Variants in GFRA1 observed in about 807,000 individuals in gnomAD.
GFRA1 encodes the protein GDNF family receptor alpha-1.
GFRA1 carries 16 observed loss-of-function variants against 51.6 expected under a neutral mutation model. The ratio of observed to expected loss-of-function variants is 0.31; its 90% CI spans 0.21 to 0.47. GFRA1 has a LOEUF of 0.47. GFRA1 is among the 20% of genes least tolerant of loss of function. The pLI, the probability that GFRA1 is intolerant of heterozygous loss-of-function variation, is 1.00. For synonymous variants in GFRA1, 270 were observed against 241.3 expected (o/e 1.12, Z -1.10); for missense variants, 530 against 594.3 (o/e 0.89, Z 1.13).
intron 5 of GFRA1, among the ~76,000 whole-genome samples, chr10:116,160,031 T>C (rs1412288646): frequency 6.6e-6 from 1 of 152,242 alleles, no homozygotes; most frequent in Non-Finnish European, 1.5e-5. Context: ...CAGGGACATT[T>C]TTCCTGGCCA....
At chr10:116,080,483 G>A (rs1156451622) in intron 9 of GFRA1, among the ~76,000 whole-genome samples, 1 of 152,122 alleles carries the variant, frequency 6.6e-6, no homozygotes, top group Non-Finnish European at 1.5e-5. Flanking sequence ...CTGTTCCCCA[G>A]TAACCTATGG....
At chr10:116,148,082 G>A (rs77386913) in intron 5 of GFRA1, among the ~76,000 whole-genome samples, 3 of 129,376 alleles carry the variant, frequency 2.3e-5, no homozygotes, top group Admixed American at 7.6e-5. Flanking sequence ...GTGCATGTGT[G>A]TGTGTGCATG....
At chr10:116,176,570 C>G (rs1328868426) in intron 5 of GFRA1, among the ~76,000 whole-genome samples, 1 of 152,122 alleles carries the variant, frequency 6.6e-6, no homozygotes, top group Non-Finnish European at 1.5e-5. Context: ...CCTGAGGCCT[C>G]ACAGAAGCCG....
chr10:116,230,391 T>C (rs575147724), intron 4 of GFRA1, among the ~76,000 whole-genome samples: 16 of 152,330 alleles, frequency 1.1e-4, no homozygotes, highest in African/African-American at 3.6e-4. Context: ...AGGAGCTGGA[T>C]TCCAAATTAG....
At chr10:116,231,099 G>A (rs1327461079) in intron 4 of GFRA1, among the ~76,000 whole-genome samples, 1 of 152,152 alleles carries the variant, frequency 6.6e-6, no homozygotes, top group East Asian at 1.9e-4. Flanking sequence ...GTGTCATGAG[G>A]GGTCATGAAC....
chr10:116,274,533 C>T (rs1389323714), upstream of GFRA1, among the ~76,000 whole-genome samples: 1 of 152,192 alleles, frequency 6.6e-6, no homozygotes, highest in Non-Finnish European at 1.5e-5. Flanking sequence ...CTCCATTCAA[C>T]CACACATCAG....
intron 4 of GFRA1, among the ~76,000 whole-genome samples, chr10:116,216,544 T>C (rs1317282748): frequency 1.3e-5 from 2 of 152,232 alleles, no homozygotes; most frequent in Non-Finnish European, 2.9e-5. Flanking sequence ...ACAGTGAAAC[T>C]GTGCGTGACT....
chr10:116,266,592 A>G (rs1189660142), intron 4 of GFRA1, among the ~76,000 whole-genome samples: 3 of 152,220 alleles, frequency 2.0e-5, no homozygotes, highest in Non-Finnish European at 4.4e-5. Context: ...GGGGCTCTAG[A>G]CAAGGCCTTT....
At chr10:116,157,934 T>C (rs986707105) in intron 5 of GFRA1, among the ~76,000 whole-genome samples, 1 of 152,192 alleles carries the variant, frequency 6.6e-6, no homozygotes, top group African/African-American at 2.4e-5. Context: ...CCCCTGGCTT[T>C]GCACAAACAC....
intron 5 of GFRA1, among the ~76,000 whole-genome samples, chr10:116,126,640 C>A (rs143192029): frequency 1.7e-3 from 254 of 152,288 alleles, no homozygotes; most frequent in Middle Eastern, 6.8e-3. Context: ...TTCTCTGGAG[C>A]GGGCAGGGAG....
chr10:116,173,395 T>C (rs1961238025), intron 5 of GFRA1, among the ~76,000 whole-genome samples: 1 of 152,140 alleles, frequency 6.6e-6, no homozygotes. Context: ...ATAAAGACAA[T>C]GAGGCACCAA....
At chr10:116,249,608 A>G (rs1968149494) in intron 4 of GFRA1, among the ~76,000 whole-genome samples, 1 of 152,212 alleles carries the variant, frequency 6.6e-6, no homozygotes, top group African/African-American at 2.4e-5. Context: ...CCCTCATGTC[A>G]TGACCTGTAC....
intron 5 of GFRA1, among the ~76,000 whole-genome samples, chr10:116,166,780 C>T (rs1490821278): frequency 1.2e-4 from 9 of 76,384 alleles, no homozygotes; most frequent in South Asian, 4.8e-4. Flanking sequence ...CAACAATCTT[C>T]TTTTTTTTTT....
chr10:116,248,568 C>T (rs920392795), intron 4 of GFRA1, among the ~76,000 whole-genome samples: 3 of 152,188 alleles, frequency 2.0e-5, no homozygotes, highest in Admixed American at 6.5e-5. Flanking sequence ...TGAATTCATT[C>T]TCTTCCCACA....
chr10:116,069,430 C>G lies in GFRA1; in HGVS notation c.1198-3804G>C, dbSNP rs528400644. Among the ~76,000 whole-genome samples the G allele has an allele frequency of 1.2e-4, 18 of 152,250 alleles. No individual in the cohort carries two copies. The East Asian group carries it at 2.9e-3, about 25-fold the overall frequency. On this transcript the variant is annotated intron_variant, in intron 9 of 10. Coordinates refer to ENST00000355422, the MANE Select transcript of GFRA1 (RefSeq NM_005264.8). Reference sequence around the variant, plus strand: ...GAAGATGAAAATTATACTAGAGAGGCCTGTCCCCAAACCAAACGCCTTCCC... The same window carrying G: ...GAAGATGAAAATTATACTAGAGAGGGCTGTCCCCAAACCAAACGCCTTCCC...
chr10:116,176,323 T>C (rs370023971), intron 5 of GFRA1, among the ~76,000 whole-genome samples: 1 of 152,146 alleles, frequency 6.6e-6, no homozygotes, highest in African/African-American at 2.4e-5. Flanking sequence ...CTTCTTGACA[T>C]AGTTTGGACC....
chr10:116,194,598 C>T (rs955093914), intron 5 of GFRA1, among the ~76,000 whole-genome samples: 14 of 152,036 alleles, frequency 9.2e-5, no homozygotes, highest in African/African-American at 3.4e-4. Flanking sequence ...TGTGGATTAC[C>T]AATGTTCAAT....
At chr10:116,271,344 C>G (rs964424338) in intron 2 of GFRA1, among the ~76,000 whole-genome samples, 52 of 152,258 alleles carry the variant, frequency 3.4e-4, no homozygotes, top group African/African-American at 1.1e-3. Context: ...GGCGCAGGCT[C>G]AGCCCGCGGG....
At chr10:116,260,401 T>C (rs1247226326) in intron 4 of GFRA1, among the ~76,000 whole-genome samples, 2 of 152,202 alleles carry the variant, frequency 1.3e-5, no homozygotes, top group African/African-American at 2.4e-5. Flanking sequence ...TGCCTATGTG[T>C]CTGTATACGT....
Sources: gnomAD v4.1 joint callset for allele counts (sites outside exome capture counted in the v4.1 genomes callset) on GRCh38, gnomAD v4.1.1 for gene constraint, MANE v1.5 for transcripts, NCBI Gene and HGNC (gene_info 2026-07-23, HGNC 2026-07-21) for gene names.